Variants in ATL1 observed in about 807,000 individuals in gnomAD.
ATL1 encodes atlastin GTPase 1, also known as atlastin-1.
In ATL1, 31 loss-of-function variants were observed where a neutral mutation model predicts 75.5. That is an observed-to-expected ratio of 0.41 (90% CI 0.31 to 0.55). ATL1 has a LOEUF of 0.55. Ranked by LOEUF, ATL1 falls within the 20% of genes least tolerant of loss-of-function variation. The pLI is 0.27. For missense variants in ATL1, 405 were observed against 662.6 expected, an observed-to-expected ratio of 0.61 and a Z score of 4.27; for synonymous variants, 226 against 233.3, an observed-to-expected ratio of 0.97 and a Z score of 0.28.
At chr14:50,579,562 T>A (rs1027969815) in intron 1 of ATL1, among the ~76,000 whole-genome samples, 12 of 152,208 alleles carry the variant, frequency 7.9e-5, no homozygotes, top group African/African-American at 2.9e-4. Context: ...GCTGAAAATT[T>A]GATTTGGGTT....
intron 1 of ATL1, among the ~76,000 whole-genome samples, chr14:50,579,033 T>C (rs2039032452): frequency 6.6e-6 from 1 of 152,204 alleles, no homozygotes; most frequent in African/African-American, 2.4e-5. Context: ...TCATTTTTAT[T>C]TGCATGATGG....
chr14:50,609,966 T>C (rs1440043743), intron 6 of ATL1, among the ~76,000 whole-genome samples: 1 of 152,048 alleles, frequency 6.6e-6, no homozygotes, highest in Admixed American at 6.6e-5. Context: ...ATATTCACTT[T>C]CAAGCCTAAT....
At chr14:50,562,997 A>C (rs1322572092) in intron 1 of ATL1, among the ~76,000 whole-genome samples, 2 of 152,238 alleles carry the variant, frequency 1.3e-5, no homozygotes, top group Non-Finnish European at 2.9e-5. Flanking sequence ...CTCATTTTAC[A>C]TATTAAAAGG....
intron 1 of ATL1, among the ~76,000 whole-genome samples, chr14:50,582,126 C>CA (rs2039061260): frequency 6.6e-6 from 1 of 151,458 alleles, no homozygotes; most frequent in African/African-American, 2.4e-5. Flanking sequence ...ACTAAAAATA[C>CA]AAAAAATTAG....
chr14:50,584,116 T>C (rs760283672), intron 1 of ATL1, among the ~76,000 whole-genome samples: 18 of 152,214 alleles, frequency 1.2e-4, no homozygotes, highest in Non-Finnish European at 2.5e-4. Context: ...GGTTCATCCC[T>C]GTAATGCCAG....
At position 50,632,267 on chromosome 14, in the gene ATL1, A is replaced by AT; in HGVS notation, c.1605_1606insT (p.His536SerfsTer16). The AT allele has an allele frequency of 6.2e-7, 1 of 1,613,550 alleles. No homozygotes were observed. Among genetic ancestry groups the AT allele is most frequent in the East Asian group, 2.2e-5 (1 of 44,782 alleles). Reference sequence around the variant, plus strand: ...TTTACAGTGCAGCAGCAACCCACAGACATCTGTATCATCAAGCTTTCCCTA... The same window carrying AT: ...TTTACAGTGCAGCAGCAACCCACAGATCATCTGTATCATCAAGCTTTCCCTA... On this transcript the variant is annotated frameshift_variant, in exon 14 of 14. Transcript: ENST00000358385. LOFTEE classifies it high-confidence loss of function.
At chr14:50,535,991 C>T (rs887680406) in intron 1 of ATL1, among the ~76,000 whole-genome samples, 8 of 152,218 alleles carry the variant, frequency 5.3e-5, no homozygotes, top group African/African-American at 1.7e-4. Context: ...CTCTCTTTGC[C>T]TGCTGCCATC....
intron 8 of ATL1, among the ~76,000 whole-genome samples, chr14:50,615,533 T>C (rs1357007076): frequency 6.6e-6 from 1 of 152,198 alleles, no homozygotes; most frequent in African/African-American, 2.4e-5. Flanking sequence ...ATAAATACAA[T>C]ACCAAATTTC....
intron 5 of ATL1, among the ~76,000 whole-genome samples, chr14:50,595,069 A>G (rs1418449973): frequency 6.6e-6 from 1 of 152,004 alleles, no homozygotes; most frequent in Non-Finnish European, 1.5e-5. Flanking sequence ...AGGACTCTCC[A>G]TTTCTTAAGC....
intron 1 of ATL1, among the ~76,000 whole-genome samples, chr14:50,545,276 G>C (rs1459916429): frequency 1.3e-5 from 2 of 152,182 alleles, no homozygotes; most frequent in African/African-American, 4.8e-5. Context: ...TCATCTACTT[G>C]CCAATCTGAA....
intron 4 of ATL1, 27 bp from the exon 5 acceptor site, chr14:50,593,819 T>C (rs1202778884): frequency 1.4e-6 from 2 of 1,475,262 alleles, no homozygotes. Context: ...AGTTATCTTA[T>C]CATTGTAATT....
upstream of ATL1, chr14:50,559,282 A>G (rs1396728816): frequency 6.6e-6 from 1 of 152,274 alleles, no homozygotes; most frequent in Non-Finnish European, 1.5e-5. Context: ...AGTAACAACC[A>G]AATGGCAGAA....
At chr14:50,542,620 C>T (rs912860585) in intron 1 of ATL1, 2 of 152,146 alleles carry the variant, frequency 1.3e-5, no homozygotes, top group African/African-American at 4.8e-5. Context: ...GAACAAATGT[C>T]CATTGGACCT....
chr14:50,590,249 A>T (rs1446269188), intron 2 of ATL1, among the ~76,000 whole-genome samples: 1 of 151,970 alleles, frequency 6.6e-6, no homozygotes, highest in Non-Finnish European at 1.5e-5. Context: ...AGCCCTACCT[A>T]CTTCTAGAAT....
intron 1 of ATL1, among the ~76,000 whole-genome samples, chr14:50,568,037 C>A (rs2038920617): frequency 6.6e-6 from 1 of 152,118 alleles, no homozygotes; most frequent in African/African-American, 2.4e-5. Context: ...TATTTCTTTG[C>A]ACGTCTTTAT....
upstream of ATL1, among the ~76,000 whole-genome samples, chr14:50,556,390 A>AT (rs554007896): frequency 1.1e-4 from 17 of 151,400 alleles, no homozygotes; most frequent in South Asian, 1.0e-3. Context: ...TAGTTTTTCT[A>AT]TTTTTTTTAT....
intron 6 of ATL1, among the ~76,000 whole-genome samples, chr14:50,604,198 C>T (rs1302681254): frequency 6.6e-6 from 1 of 152,120 alleles, no homozygotes; most frequent in Non-Finnish European, 1.5e-5. Context: ...CTCTTGGTCA[C>T]ATATATCTTT....
intron 6 of ATL1, among the ~76,000 whole-genome samples, chr14:50,599,983 CTTT>C (rs57973857): frequency 9.0e-5 from 13 of 143,822 alleles, no homozygotes; most frequent in Middle Eastern, 3.6e-3. Context: ...ACTCTGTTGT[CTTT>C]TTTTTTTTTT....
At chr14:50,537,249 C>T (rs553555661) in intron 1 of ATL1, among the ~76,000 whole-genome samples, 1 of 152,206 alleles carries the variant, frequency 6.6e-6, no homozygotes, top group African/African-American at 2.4e-5. Flanking sequence ...AAGCCTCCAG[C>T]CTTGGCAGCT....
Sources: allele counts gnomAD v4.1 joint callset (sites outside exome capture counted in the v4.1 genomes callset), GRCh38; gene constraint gnomAD v4.1.1; transcripts MANE v1.5; gene names NCBI Gene and HGNC (gene_info 2026-07-23, HGNC 2026-07-21).